COL4A3: variants seen among roughly 807,000 people sequenced by gnomAD.
The protein encoded by COL4A3 is collagen type IV alpha 3 chain.
A neutral mutation model predicts 217.4 loss-of-function variants in COL4A3; 135 were observed. The ratio of observed to expected loss-of-function variants is 0.62; its 90% CI spans 0.54 to 0.72. The LOEUF (loss-of-function observed/expected upper bound fraction) is 0.72. Among genes scored for constraint, COL4A3 ranks in the 30% least tolerant of loss-of-function variants. COL4A3 has a pLI of 0.00. For synonymous variants in COL4A3, 690 were observed against 736.3 expected (o/e 0.94, Z 1.02); for missense variants, 1,868 against 2,119.9 (o/e 0.88, Z 2.33).
chr2:227,219,658 T>A (rs1412146604), intron 1 of COL4A3, among the ~76,000 whole-genome samples: 1 of 152,232 alleles, frequency 6.6e-6, no homozygotes, highest in African/African-American at 2.4e-5. Flanking sequence ...TGTATTTACA[T>A]GCTTATCTCC....
intron 1 of COL4A3, among the ~76,000 whole-genome samples, chr2:227,203,009 A>G (rs865840449): frequency 1.2e-4 from 3 of 25,392 alleles, no homozygotes; most frequent in Non-Finnish European, 2.1e-4. Context: ...GTATATATAC[A>G]TATATGTGTA....
chr2:227,239,771 CCTCA>C (rs1456211903), intron 2 of COL4A3, among the ~76,000 whole-genome samples: 4 of 152,186 alleles, frequency 2.6e-5, no homozygotes. Flanking sequence ...TGCACCTGAC[CCTCA>C]CTGTCTCTCC....
At chr2:227,304,186 T>C (rs376587667) in intron 46 of COL4A3, 42 bp downstream of exon 46, 28 of 1,612,244 alleles carry the variant, frequency 1.7e-5, no homozygotes, top group Non-Finnish European at 2.2e-5. Flanking sequence ...TAGGAAGTGG[T>C]TGAACCAAAA....
intron 25 of COL4A3, among the ~76,000 whole-genome samples, chr2:227,272,148 G>T (rs1228120638): frequency 6.6e-6 from 1 of 152,198 alleles, no homozygotes; most frequent in Admixed American, 6.5e-5. Flanking sequence ...CTTTGTGGTA[G>T]TTATGCTTAT....
At chr2:227,198,255 G>C (rs374727848) in intron 1 of COL4A3, among the ~76,000 whole-genome samples, 1 of 152,152 alleles carries the variant, frequency 6.6e-6, no homozygotes, top group Non-Finnish European at 1.5e-5. Context: ...ACCAAAGACT[G>C]GAGCCAAGAT....
chr2:227,266,507 A>G lies in COL4A3; in HGVS notation c.1406A>G (p.Lys469Arg), dbSNP rs1201002988. ...GGAATCCCAGGAGTTGATGGGCCCA[A>G]AGGTTGGTTCAATCAATAATGTTGT... ...SPGIPGVDGPKGEPGLLCTQC... is the reference protein window; with the variant it reads ...SPGIPGVDGPRGEPGLLCTQC... The change falls in exon 22 of 52, where the codon AAA becomes AGA. Residue 469 changes from lysine (K) to arginine (R), a missense_variant and splice_region_variant. Lys to Arg is a conservative substitution (Grantham distance 26, BLOSUM62 2). Coordinates refer to ENST00000396578, the MANE Select transcript of COL4A3 (RefSeq NM_000091.5). The G allele has an allele frequency of 1.2e-6, 2 of 1,612,640 alleles. No individual in the cohort carries two copies. Among genetic ancestry groups the G allele is most frequent in the Non-Finnish European group, 1.7e-6 (2 of 1,178,766 alleles).
At chr2:227,173,404 C>G (rs563985996) in intron 1 of COL4A3, among the ~76,000 whole-genome samples, 1 of 152,240 alleles carries the variant, frequency 6.6e-6, no homozygotes, top group Admixed American at 6.5e-5. Flanking sequence ...GTTGATCTCC[C>G]AAAATGTAAG....
At chr2:227,309,467 G>A (rs1462961766) in intron 50 of COL4A3, 149 bp downstream of exon 50, 2 of 632,884 alleles carry the variant, frequency 3.2e-6, no homozygotes, top group Non-Finnish European at 5.6e-6. Flanking sequence ...TCTACAAACA[G>A]ACTTTTTTTT....
intron 1 of COL4A3, among the ~76,000 whole-genome samples, chr2:227,206,520 G>A (rs1472062538): frequency 6.6e-6 from 1 of 152,208 alleles, no homozygotes; most frequent in East Asian, 1.9e-4. Flanking sequence ...AGAGCCAGCT[G>A]AGCAGCAAAA....
intron 1 of COL4A3, among the ~76,000 whole-genome samples, chr2:227,217,914 T>C (rs903546473): frequency 1.3e-5 from 2 of 150,952 alleles, no homozygotes; most frequent in African/African-American, 4.8e-5. Context: ...ACAAAATGCT[T>C]CTGCAAACAA....
At chr2:227,291,562 CAAAAAA>C (rs869289707) in intron 37 of COL4A3, among the ~76,000 whole-genome samples, 1 of 34,416 alleles carries the variant, frequency 2.9e-5, no homozygotes, top group Admixed American at 2.2e-4. Context: ...GACTCCGTCT[CAAAAAA>C]AAAAAAAAAA....
chr2:227,215,218 A>G (rs2067481646), intron 1 of COL4A3, among the ~76,000 whole-genome samples: 1 of 152,190 alleles, frequency 6.6e-6, no homozygotes, highest in Admixed American at 6.6e-5. Flanking sequence ...TGTACAACCA[A>G]AAATTTTAAA....
At chr2:227,172,270 C>G (rs1019544884) in intron 1 of COL4A3, among the ~76,000 whole-genome samples, 3 of 152,182 alleles carry the variant, frequency 2.0e-5, no homozygotes, top group Non-Finnish European at 4.4e-5. Context: ...GTTCAATAAC[C>G]GCCTGACCAT....
rs1427475590 is a variant in COL4A3 at position 227,311,884 on chromosome 2, A to G, written c.*14A>G. ...AAAAGACACTGAAGCTAAAAAAGAC[A>G]GCAGAACTGCTATTTTTCATCCTAA... On this transcript the variant is annotated 3_prime_UTR_variant, in exon 52 of 52. Transcript: ENST00000396578. 4 of 1,613,620 alleles carry G rather than the reference A, an allele frequency of 2.5e-6. No individual in the cohort carries two copies. In the African/African-American group the frequency reaches 5.3e-5, roughly 22 times the overall value.
Position 227,311,679 on chromosome 2 carries a change from T to A in COL4A3, c.4929-107T>A, listed in dbSNP as rs2073746970. On this transcript the variant is annotated intron_variant, in intron 51 of 51. Transcript: ENST00000396578. The stretch of plus-strand genomic sequence containing the variant: ...AGGCGTGAGCCACCACGCCCGACCC[T>A]GTAATAAATTTCAAAATAGCAAAAA... 6.3e-6 allele frequency: 7 copies of A among 1,115,732 alleles called. No homozygotes were observed. The East Asian group carries it at 1.8e-4, about 29-fold the overall frequency. The allele number at this position is 1,115,732 out of a possible 1,614,324, so 69.1% of individuals were successfully genotyped here.
chr2:227,195,930 A>T (rs1193402747), intron 1 of COL4A3, among the ~76,000 whole-genome samples: 1 of 152,036 alleles, frequency 6.6e-6, no homozygotes, highest in African/African-American at 2.4e-5. Context: ...TTAAAAAGTT[A>T]AACAATAAAT....
rs1322334939 is a variant in COL4A3 at position 227,250,378 on chromosome 2, AGATAGAT to A, written c.547-761_547-755del. 2.8e-4 allele frequency among the ~76,000 whole-genome samples: 42 copies of A among 151,522 alleles called. No homozygotes were observed. Among genetic ancestry groups the A allele is most frequent in the African/African-American group, 8.1e-4 (33 of 40,918 alleles). On this transcript the variant is annotated intron_variant, in intron 9 of 51. Transcript: ENST00000396578. The surrounding 1 kb of genome is among the most constrained non-coding windows in gnomAD (Gnocchi z 4.1). ...TAGATAGATAGATAGATAGATAGAT[AGATAGAT>A]ATTTAAAAATTGTATGAACCAGGCA...
Position 227,280,605 on chromosome 2 carries a change from G to T in COL4A3, c.2374+15G>T, listed in dbSNP as rs2071893743. The T allele has an allele frequency of 2.5e-6, 4 of 1,613,692 alleles. No homozygotes were observed. Among genetic ancestry groups the T allele is most frequent in the Non-Finnish European group, 3.4e-6 (4 of 1,179,810 alleles). On this transcript the variant is annotated intron_variant, in intron 30 of 51. Coordinates refer to ENST00000396578, the MANE Select transcript of COL4A3 (RefSeq NM_000091.5). Reference sequence around the variant, plus strand: ...TGGACCACGAGGTACAATAGCAAGTGTCATTACTTTTCTCCACTGTGAGCT... The same window carrying T: ...TGGACCACGAGGTACAATAGCAAGTTTCATTACTTTTCTCCACTGTGAGCT...
Position 227,244,999 on chromosome 2 carries a change from A to G in COL4A3, c.324+4A>G. 1.9e-6 allele frequency: 3 copies of G among 1,612,564 alleles called. No homozygotes were observed. The highest frequency in any genetic ancestry group is 2.5e-6 in the Non-Finnish European group (3 of 1,178,820). On this transcript the variant is annotated splice_donor_region_variant and intron_variant, in intron 5 of 51. Transcript: ENST00000396578. ...TTCTGGTTCTCCTGGACTTCCAGTA[A>G]GTAATGGGAAAAATCCGTAGCTAGA...
Sources: allele counts gnomAD v4.1 joint callset (sites outside exome capture counted in the v4.1 genomes callset), GRCh38; gene constraint gnomAD v4.1.1; non-coding constraint Gnocchi (gnomAD v3.1); transcripts MANE v1.5; gene names NCBI Gene and HGNC (gene_info 2026-07-23, HGNC 2026-07-21).